PARP10: variants seen among roughly 807,000 people sequenced by gnomAD.
PARP10 encodes poly(ADP-ribose) polymerase family member 10.
In PARP10, 56 loss-of-function variants were observed where a neutral mutation model predicts 82.4. That is an observed-to-expected ratio of 0.68 (90% CI 0.55 to 0.85). The LOEUF (loss-of-function observed/expected upper bound fraction) is 0.85. PARP10 is among the 40% of genes least tolerant of loss of function. The probability of loss-of-function intolerance (pLI) is 0.00; values close to 1 mark genes in which losing one functional copy is unlikely to be tolerated. For missense variants in PARP10, 1,227 were observed against 1,379.4 expected (o/e 0.89, Z 1.75); for synonymous variants, 576 against 601.1 (o/e 0.96, Z 0.61).
intron 9 of PARP10, 85 bp from the exon 10 acceptor site, chr8:143,978,166 A>C: frequency 7.1e-7 from 1 of 1,405,234 alleles, no homozygotes; most frequent in African/African-American, 1.5e-5. Context: ...GGCAACCAGG[A>C]GCCCTCTGTT....
intron 1 of PARP10, among the ~76,000 whole-genome samples, chr8:144,002,899 A>G (rs1050468265): frequency 3.3e-5 from 5 of 152,228 alleles, no homozygotes; most frequent in African/African-American, 1.2e-4. Flanking sequence ...GAATATAGCT[A>G]GACCCCATCT....
chr8:144,008,319 C>T lies in PARP10; in HGVS notation c.-80+4211G>A, dbSNP rs144996522. 2.0e-5 allele frequency among the ~76,000 whole-genome samples: 3 copies of T among 152,320 alleles called. No homozygotes were observed. The highest frequency in any genetic ancestry group is 6.5e-5 in the Admixed American group (1 of 15,304). On this transcript the variant is annotated intron_variant, in intron 1 of 3. Coordinates refer to the PARP10 transcript ENST00000530478. The surrounding 1 kb of genome is among the most constrained non-coding windows in gnomAD (Gnocchi z 4.0). ...TCGGCAACTTTATGCCTTGAAAAGA[C>T]GGCTTCAGAAGGAAACTTATTAAAC...
At chr8:143,991,554 C>T, upstream of PARP10, 3 of 1,583,564 alleles carry the variant, frequency 1.9e-6, no homozygotes, top group South Asian at 1.1e-5. Context: ...CCCCTTCCCC[C>T]CCAACCCCTA....
rs868954919 is a variant in PARP10, at chr8:143,984,869, C to A, written c.1133G>T (p.Ser378Ile). ...GCCTGCAGACCCCACAGGCCCCAGGCTCATGGGCCCCTCCTGTTCCTGCAA... is the reference window on the plus strand; with the variant it reads ...GCCTGCAGACCCCACAGGCCCCAGGATCATGGGCCCCTCCTGTTCCTGCAA... The part of the protein sequence containing the change: ...VGLQEQEGPM[S>I]LGPVGSAGPV... The change falls in exon 5 of 11, where the codon AGC (serine) becomes ATC (isoleucine). Residue 378 changes from serine to isoleucine, a missense_variant. Coordinates refer to ENST00000313028, the MANE Select transcript of PARP10 (RefSeq NM_032789.5). 6.2e-7 allele frequency: 1 copy of A among 1,613,918 alleles called. No individual in the cohort carries two copies. The highest frequency in any genetic ancestry group is 8.5e-7 in the Non-Finnish European group (1 of 1,179,952).
chr8:143,999,872 A>C (rs1407539804), intron 1 of PARP10, among the ~76,000 whole-genome samples: 1 of 152,060 alleles, frequency 6.6e-6, no homozygotes, highest in Non-Finnish European at 1.5e-5. Flanking sequence ...ATATCCTAAA[A>C]CTCACGAAGA....
chr8:143,988,520 C>T (rs1554749993), upstream of PARP10, among the ~76,000 whole-genome samples: 2 of 151,160 alleles, frequency 1.3e-5, no homozygotes, highest in East Asian at 2.0e-4. Flanking sequence ...GGCTGGAGTG[C>T]GGTGGCACGA....
intron 9 of PARP10, among the ~76,000 whole-genome samples, chr8:143,980,318 T>TA (rs1564247548): frequency 3.2e-4 from 5 of 15,672 alleles, no homozygotes; most frequent in Admixed American, 1.3e-3. Flanking sequence ...AGATTCCGTC[T>TA]CAAAAAAAAA....
At position 143,977,677 on chromosome 8, in the gene PARP10, G is replaced by A. The variant is rs1554746550; in HGVS notation, c.2885C>T (p.Ala962Val). Residue 962 changes from alanine to valine, a missense_variant, in exon 11 of 11, where the codon GCG becomes GTG. Transcript: ENST00000313028. The stretch of plus-strand genomic sequence containing the variant: ...GTGGCCAGGACCCCGCAGAGGGGGC[G>A]CCCGCAGACCGCGGCGGCCCTGCCC... ...DYGQGRRGLR[A>V]PPLRGPGHVL... is the part of the protein sequence containing the mutation. The A allele has an allele frequency of 2.5e-6, 4 of 1,593,312 alleles. No individual in the cohort carries two copies. In the South Asian group the frequency reaches 4.5e-5, roughly 18 times the overall value.
upstream of PARP10, chr8:143,989,109 G>C (rs1160593282): frequency 1.3e-5 from 2 of 152,328 alleles, no homozygotes; most frequent in African/African-American, 4.8e-5. The surrounding 1 kb of genome is among the most constrained non-coding windows in gnomAD (Gnocchi z 4.3). Flanking sequence ...TAAACACTGC[G>C]CCAGCGCACC....
rs1833710509 is a variant in PARP10 at position 143,977,300 on chromosome 8, G to GA, written c.*183dup. 1 of 667,606 alleles carries GA rather than the reference G, an allele frequency of 1.5e-6. No homozygotes were observed. The highest frequency in any genetic ancestry group is 1.8e-5 in the African/African-American group (1 of 54,280). 41.4% of individuals were successfully genotyped at this position (667,606 alleles called of 1,614,324 possible). ...TGGTGGTGGGGTCGGCCCAGGCTGG[G>GA]ACCTAGCCCGGCCCCCCTCGGCCGC... On this transcript the variant is annotated 3_prime_UTR_variant, in exon 11 of 11. Coordinates refer to ENST00000313028, the MANE Select transcript of PARP10 (RefSeq NM_032789.5).
chr8:143,990,968 C>G (rs1834082603), upstream of PARP10: 1 of 283,782 alleles, frequency 3.5e-6, no homozygotes, highest in African/African-American at 2.2e-5. This position sits in a 1 kb window ranked among gnomAD's most constrained non-coding sequence, Gnocchi z 5.6. Context: ...CCCGGCCCCT[C>G]CCCCACCCTA....
upstream of PARP10, among the ~76,000 whole-genome samples, chr8:143,987,674 C>T (rs1199376164): frequency 6.6e-6 from 1 of 152,134 alleles, no homozygotes; most frequent in Non-Finnish European, 1.5e-5. Context: ...AGGTGGATCA[C>T]GAGGTCAGGA....
chr8:143,985,812 G>T lies in PARP10; in HGVS notation c.345C>A (p.Ala115=). Residue 115 remains alanine, a synonymous_variant, in exon 3 of 11, where the codon GCC becomes GCA. Coordinates refer to ENST00000313028, the MANE Select transcript of PARP10 (RefSeq NM_032789.5). ...AGCAAGGCTGTACTGGGAGCCCCGA[G>T]GCCCGCAGCAAGGCCTGGACATGCT... ...LEQHVQALLR[A]SGLPVQPCCA... 6.2e-7 allele frequency: 1 copy of T among 1,612,010 alleles called. No homozygotes were observed. The highest frequency in any genetic ancestry group is 8.5e-7 in the Non-Finnish European group (1 of 1,179,600).
At chr8:144,003,590 C>T (rs1554751854) in intron 1 of PARP10, among the ~76,000 whole-genome samples, 1 of 152,120 alleles carries the variant, frequency 6.6e-6, no homozygotes, top group African/African-American at 2.4e-5. Context: ...ACATTTCAGG[C>T]CACGTGACAG....
At chr8:144,005,555 C>G (rs1172899956) in intron 1 of PARP10, among the ~76,000 whole-genome samples, 1 of 152,144 alleles carries the variant, frequency 6.6e-6, no homozygotes, top group South Asian at 2.1e-4. Context: ...ACCCTCGTAG[C>G]CTTTCCATGT....
upstream of PARP10, chr8:143,990,385 C>T (rs1450381335): frequency 1.3e-5 from 2 of 151,302 alleles, no homozygotes; most frequent in African/African-American, 2.4e-5. This position sits in a 1 kb window ranked among gnomAD's most constrained non-coding sequence, Gnocchi z 5.6. Context: ...GGGCGGGGAG[C>T]CGCGGCGGCC....
At chr8:144,012,501 C>A in intron 1 of PARP10, 1 of 1,550,616 alleles carries the variant, frequency 6.4e-7, no homozygotes, top group Non-Finnish European at 8.7e-7. Flanking sequence ...CGCACCCTTG[C>A]CACTGCCCCA....
Sources: allele counts gnomAD v4.1 joint callset (sites outside exome capture counted in the v4.1 genomes callset), GRCh38; gene constraint gnomAD v4.1.1; non-coding constraint Gnocchi (gnomAD v3.1); transcripts MANE v1.5; gene names NCBI Gene and HGNC (gene_info 2026-07-23, HGNC 2026-07-21).